CADM2: variants seen among roughly 807,000 people sequenced by gnomAD.
The protein encoded by CADM2 is immunoglobulin superfamily member 4D.
A neutral mutation model predicts 49.8 loss-of-function variants in CADM2; 12 were observed. The observed-to-expected ratio is 0.24, with a 90% CI of 0.15 to 0.39. The LOEUF (loss-of-function observed/expected upper bound fraction) is 0.39. CADM2 is among the 10% of genes least tolerant of loss of function. The probability of loss-of-function intolerance (pLI) is 1.00; values close to 1 mark genes in which losing one functional copy is unlikely to be tolerated. For missense variants in CADM2, 378 were observed against 492.3 expected, an observed-to-expected ratio of 0.77 and a Z score of 2.20; for synonymous variants, 214 against 175.4, an observed-to-expected ratio of 1.22 and a Z score of -1.74.
chr3:85,911,891 A>G (rs1717639342), intron 5 of CADM2, among the ~76,000 whole-genome samples: 1 of 151,110 alleles, frequency 6.6e-6, no homozygotes, highest in Non-Finnish European at 1.5e-5. Flanking sequence ...CTTTTATAAT[A>G]TTTCTGGATC....
At chr3:85,825,795 T>A (rs1277518089) in intron 3 of CADM2, among the ~76,000 whole-genome samples, 1 of 152,056 alleles carries the variant, frequency 6.6e-6, no homozygotes, top group African/African-American at 2.4e-5. Flanking sequence ...CAAATGTTTT[T>A]TGTTTACATG....
At chr3:84,973,132 C>T (rs913748888) in intron 1 of CADM2, among the ~76,000 whole-genome samples, 4 of 152,144 alleles carry the variant, frequency 2.6e-5, no homozygotes, top group Non-Finnish European at 5.9e-5. Context: ...ATGCTGGTCT[C>T]GAACTCCTGG....
At chr3:85,218,652 C>T (rs112492339) in intron 1 of CADM2, among the ~76,000 whole-genome samples, 8,924 of 152,056 alleles carry the variant, frequency 0.059, 385 homozygotes, top group Non-Finnish European at 0.089. Flanking sequence ...AAAAATTAGC[C>T]TGGCGTGGTG....
intron 1 of CADM2, among the ~76,000 whole-genome samples, chr3:85,543,395 C>T (rs1000086402): frequency 6.1e-5 from 6 of 98,050 alleles, no homozygotes; most frequent in African/African-American, 1.4e-4. Context: ...GCTGGGATTA[C>T]AGGCACCGCC....
intron 3 of CADM2, among the ~76,000 whole-genome samples, chr3:85,859,100 G>C (rs903646575): frequency 6.6e-6 from 1 of 151,386 alleles, no homozygotes; most frequent in Non-Finnish European, 1.5e-5. Flanking sequence ...TGATGAAAAA[G>C]TAATAAACGT....
At chr3:86,014,460 T>G in intron 8 of CADM2, 7 of 1,496,836 alleles carry the variant, frequency 4.7e-6, no homozygotes, top group Non-Finnish European at 6.3e-6. Flanking sequence ...AGCCACAAAT[T>G]TGGTAACCAA....
chr3:85,573,890 C>G (rs1010341179), intron 1 of CADM2, among the ~76,000 whole-genome samples: 7 of 152,038 alleles, frequency 4.6e-5, no homozygotes, highest in Admixed American at 3.9e-4. Flanking sequence ...ACCACATCAC[C>G]AATACGGATT....
intron 1 of CADM2, among the ~76,000 whole-genome samples, chr3:85,216,385 TTATA>T (rs72208994): frequency 0.032 from 4,787 of 148,302 alleles, 246 homozygotes; most frequent in African/African-American, 0.11. Context: ...TAATGTACAC[TTATA>T]TTAATTATTT....
At chr3:85,459,386 C>T (rs969855310) in intron 1 of CADM2, among the ~76,000 whole-genome samples, 8 of 152,114 alleles carry the variant, frequency 5.3e-5, no homozygotes, top group African/African-American at 1.2e-4. Context: ...AGGCTCTACC[C>T]GAATAAGAGA....
intron 1 of CADM2, among the ~76,000 whole-genome samples, chr3:85,335,170 A>T (rs922085587): frequency 6.6e-6 from 1 of 151,576 alleles, no homozygotes; most frequent in Non-Finnish European, 1.5e-5. Flanking sequence ...ATTTTGATAC[A>T]TTCATTTTCT....
chr3:85,195,243 TAA>T (rs765929701), intron 1 of CADM2, among the ~76,000 whole-genome samples: 11 of 152,142 alleles, frequency 7.2e-5, no homozygotes, highest in Non-Finnish European at 1.6e-4. Flanking sequence ...TGATGTTATA[TAA>T]GTTATTTAAT....
intron 1 of CADM2, among the ~76,000 whole-genome samples, chr3:85,033,020 G>C (rs951933388): frequency 6.6e-6 from 1 of 151,928 alleles, no homozygotes; most frequent in Non-Finnish European, 1.5e-5. Context: ...GAGGAAAAGA[G>C]AGAATAAGGA....
chr3:85,814,656 A>C (rs2073096724), intron 3 of CADM2, among the ~76,000 whole-genome samples: 1 of 152,112 alleles, frequency 6.6e-6, no homozygotes. Context: ...GAGAAGAATC[A>C]AATAGACACA....
intron 2 of CADM2, among the ~76,000 whole-genome samples, chr3:85,763,563 T>C (rs1056553689): frequency 2.6e-5 from 4 of 152,164 alleles, no homozygotes; most frequent in African/African-American, 9.7e-5. Flanking sequence ...TGTGCTTTCT[T>C]AGAAACATTT....
intron 1 of CADM2, among the ~76,000 whole-genome samples, chr3:85,665,914 A>G (rs2065550755): frequency 1.3e-5 from 2 of 151,888 alleles, no homozygotes; most frequent in Admixed American, 1.3e-4. Context: ...CTTTGAGATA[A>G]CAAGGGTATT....
intron 8 of CADM2, among the ~76,000 whole-genome samples, chr3:86,063,945 G>GTCT (rs1739004438): frequency 6.6e-6 from 1 of 151,952 alleles, no homozygotes; most frequent in Non-Finnish European, 1.5e-5. Flanking sequence ...TATTGCCCAG[G>GTCT]TCTTCACTCA....
At chr3:85,250,310 A>G (rs2042746136) in intron 1 of CADM2, among the ~76,000 whole-genome samples, 1 of 151,712 alleles carries the variant, frequency 6.6e-6, no homozygotes, top group South Asian at 2.1e-4. Context: ...TCAAATTGCA[A>G]AAAAACTATC....
At chr3:85,851,815 A>G (rs981498186) in intron 3 of CADM2, among the ~76,000 whole-genome samples, 9 of 151,916 alleles carry the variant, frequency 5.9e-5, no homozygotes, top group African/African-American at 2.2e-4. Context: ...TAAGAAATGA[A>G]GAAAAGAAAG....
intron 1 of CADM2, among the ~76,000 whole-genome samples, chr3:85,115,992 A>C (rs145760485): frequency 1.3e-3 from 201 of 152,360 alleles, no homozygotes; most frequent in African/African-American, 4.4e-3. Flanking sequence ...TTCATTAGCA[A>C]TAGGACTCAA....
Sources: allele counts gnomAD v4.1 joint callset (sites outside exome capture counted in the v4.1 genomes callset), GRCh38; gene constraint gnomAD v4.1.1; transcripts MANE v1.5; gene names NCBI Gene and HGNC (gene_info 2026-07-23, HGNC 2026-07-21).